The following CCDC13 variants were observed in gnomAD, a reference collection of about 807,000 sequenced individuals.
The protein encoded by CCDC13 is coiled-coil domain-containing protein 13.
In CCDC13, 70 loss-of-function variants were observed where a neutral mutation model predicts 87.3. The observed-to-expected ratio is 0.80, with a 90% CI of 0.66 to 0.98. The LOEUF (loss-of-function observed/expected upper bound fraction) is 0.98. CCDC13 is among the 50% of genes least tolerant of loss of function. The probability of loss-of-function intolerance (pLI) is 0.00; values close to 1 mark genes in which losing one functional copy is unlikely to be tolerated. For synonymous variants in CCDC13, 317 were observed against 360.3 expected (o/e 0.88, Z 1.36); for missense variants, 842 against 892.0 (o/e 0.94, Z 0.71).
At chr3:42,742,833 T>C (rs1163426704) in intron 8 of CCDC13, 63 bp downstream of exon 8, 2 of 1,589,732 alleles carry the variant, frequency 1.3e-6, no homozygotes, top group African/African-American at 1.3e-5. Context: ...TCAGAGCCCT[T>C]GCAGGCACCA....
At chr3:42,744,465 T>A (rs950995864) in intron 7 of CCDC13, among the ~76,000 whole-genome samples, 2 of 152,270 alleles carry the variant, frequency 1.3e-5, no homozygotes, top group Middle Eastern at 3.4e-3. Flanking sequence ...TGTGGCGCTG[T>A]GAGGCAATTC....
At chr3:42,719,726 T>C (rs1217488598) in intron 13 of CCDC13, among the ~76,000 whole-genome samples, 1 of 152,176 alleles carries the variant, frequency 6.6e-6, no homozygotes, top group Non-Finnish European at 1.5e-5. Flanking sequence ...CTTGTAACCA[T>C]GTGGCCATGC....
intron 10 of CCDC13, among the ~76,000 whole-genome samples, chr3:42,734,690 C>T (rs558822195): frequency 6.6e-6 from 1 of 152,360 alleles, no homozygotes; most frequent in East Asian, 1.9e-4. Flanking sequence ...GGCTGCTTTG[C>T]AACATGCCTT....
chr3:42,708,919 A>G lies in CCDC13; in HGVS notation c.*61T>C. ...CGGAGCAGATGGAGTCCTCAGACAG[A>G]GTCTTATCCTCTCAAGACCTGAGGC... On this transcript the variant is annotated 3_prime_UTR_variant, in exon 16 of 16. Transcript: ENST00000310232. The G allele has an allele frequency of 6.6e-7, 1 of 1,513,102 alleles. No individual in the cohort carries two copies. The allele number at this position is 1,513,102 out of a possible 1,614,324, so 93.7% of individuals were successfully genotyped here. A position where few individuals can be genotyped will look rare whatever the true frequency, so the allele number is the denominator to read the frequency against.
chr3:42,760,982 C>A (rs1327541726), intron 1 of CCDC13, among the ~76,000 whole-genome samples: 1 of 152,044 alleles, frequency 6.6e-6, no homozygotes, highest in African/African-American at 2.4e-5. Context: ...AGTCACAATA[C>A]AATCACTCAC....
At position 42,735,689 on chromosome 3, in the gene CCDC13, T is replaced by G; in HGVS notation, c.1371+18A>C. On this transcript the variant is annotated intron_variant, in intron 10 of 15. Transcript: ENST00000310232. ...CCGGCTTGAAAATGGGTTTGGGCGC[T>G]GCCAGTGCCCTACTCACGTGCACAT... 1.9e-6 allele frequency: 3 copies of G among 1,611,626 alleles called. No homozygotes were observed. The highest frequency in any genetic ancestry group is 2.5e-6 in the Non-Finnish European group (3 of 1,177,980).
At chr3:42,726,865 C>A (rs572641701) in intron 13 of CCDC13, among the ~76,000 whole-genome samples, 31 of 151,686 alleles carry the variant, frequency 2.0e-4, no homozygotes, top group African/African-American at 7.5e-4. Context: ...GCTTCAAAGA[C>A]AAAGAGAATA....
chr3:42,730,089 C>G (rs1464582872), intron 13 of CCDC13, among the ~76,000 whole-genome samples: 1 of 152,158 alleles, frequency 6.6e-6, no homozygotes, highest in Non-Finnish European at 1.5e-5. Flanking sequence ...AGATGTCAGT[C>G]TAGCTTGTGT....
intron 2 of CCDC13, among the ~76,000 whole-genome samples, chr3:42,757,464 G>A (rs1437240947): frequency 6.6e-6 from 1 of 152,238 alleles, no homozygotes; most frequent in African/African-American, 2.4e-5. Context: ...TGGGTGTGGT[G>A]GCTCATGCCT....
In CCDC13 at chr3:42,730,489, A is replaced by G. The variant is rs1370634331; in HGVS notation, c.1696T>C (p.Phe566Leu). The stretch of plus-strand genomic sequence containing the variant: ...TACCGTTTCTGCAGGACAGTGACAA[A>G]CTCGGTGAGCCGGTCACGCTCCACC... ...AEVERDRLTE[F>L]VTVLQKRVEE... Residue 566 changes from phenylalanine (F) to leucine (L), a missense_variant, in exon 13 of 16, where the codon TTT becomes CTT. Phe to Leu is a conservative substitution (Grantham distance 22). Transcript: ENST00000310232. 2 of 1,613,726 alleles carry G rather than the reference A, an allele frequency of 1.2e-6. No homozygotes were observed. The highest frequency in any genetic ancestry group is 2.7e-5 in the African/African-American group (2 of 74,946).
chr3:42,708,806 C>G lies in CCDC13; in HGVS notation c.*174G>C. 1 of 638,676 alleles carries G rather than the reference C, an allele frequency of 1.6e-6. No homozygotes were observed. The highest frequency in any genetic ancestry group is 2.5e-6 in the Non-Finnish European group (1 of 394,850). The allele number at this position is 638,676 out of a possible 1,614,324, so 39.6% of individuals were successfully genotyped here. On this transcript the variant is annotated 3_prime_UTR_variant, in exon 16 of 16. Coordinates refer to ENST00000310232, the MANE Select transcript of CCDC13 (RefSeq NM_144719.4). ...TGTCCCACCAGGGCTTCTCTTCTGC[C>G]TTCCTGGCCTGAGACATTGGTTTTG...
intron 10 of CCDC13, among the ~76,000 whole-genome samples, chr3:42,734,762 A>G (rs1371438694): frequency 6.6e-6 from 1 of 152,122 alleles, no homozygotes; most frequent in African/African-American, 2.4e-5. Context: ...TCACTGGGAG[A>G]CCTGCATGCC....
intron 11 of CCDC13, among the ~76,000 whole-genome samples, chr3:42,733,257 G>A (rs539832546): frequency 6.6e-6 from 1 of 152,348 alleles, no homozygotes; most frequent in South Asian, 2.1e-4. Context: ...GCTGCAACCA[G>A]CATGCTCTTG....
chr3:42,730,525 G>T lies in CCDC13; in HGVS notation c.1660C>A (p.Gln554Lys). 1 of 1,614,194 alleles carries T rather than the reference G, an allele frequency of 6.2e-7. No individual in the cohort carries two copies. ...AQVSEIKALW[Q>K]AAEVERDRLT... Reference sequence around the variant, plus strand: ...CGGTCACGCTCCACCTCGGCAGCCTGCCAGAGGGCCTTGATCTCTGACACT... The same window carrying T: ...CGGTCACGCTCCACCTCGGCAGCCTTCCAGAGGGCCTTGATCTCTGACACT... Residue 554 changes from glutamine to lysine, a missense_variant, in exon 13 of 16, where the codon CAG becomes AAG. By Grantham distance (53) the Gln-to-Lys change is moderately conservative. Transcript: ENST00000310232.
chr3:42,744,804 C>CAAAA (rs56234512), intron 7 of CCDC13: 21 of 47,536 alleles, frequency 4.4e-4, no homozygotes, highest in East Asian at 6.2e-4. Flanking sequence ...GACTCCGTCT[C>CAAAA]AAAAAAAAAA....
At chr3:42,772,289 A>ACTAAT (rs1376336753) in intron 1 of CCDC13, among the ~76,000 whole-genome samples, 1 of 72,064 alleles carries the variant, frequency 1.4e-5, no homozygotes, top group Non-Finnish European at 2.7e-5. Context: ...AAAAAAAAAA[A>ACTAAT]AGTAATAATA....
At chr3:42,730,392 G>A (rs918002443) in intron 13 of CCDC13, 75 bp downstream of exon 13, 1 of 1,567,418 alleles carries the variant, frequency 6.4e-7, no homozygotes, top group Non-Finnish European at 8.7e-7. Flanking sequence ...GGAGGACCCA[G>A]TCATAAATGA....
chr3:42,714,826 C>T (rs942007052), intron 13 of CCDC13, among the ~76,000 whole-genome samples: 1 of 152,214 alleles, frequency 6.6e-6, no homozygotes, highest in African/African-American at 2.4e-5. Context: ...AAGCATATTC[C>T]TTGAGATTTT....
At chr3:42,748,183 A>G (rs1699472120) in intron 5 of CCDC13, among the ~76,000 whole-genome samples, 1 of 152,090 alleles carries the variant, frequency 6.6e-6, no homozygotes, top group African/African-American at 2.4e-5. Flanking sequence ...TGACTCATAG[A>G]TATTTGACAA....
Sources: gnomAD v4.1 joint callset for allele counts (sites outside exome capture counted in the v4.1 genomes callset) on GRCh38, gnomAD v4.1.1 for gene constraint, MANE v1.5 for transcripts, NCBI Gene and HGNC (gene_info 2026-07-23, HGNC 2026-07-21) for gene names.